RAB8B: variants seen among roughly 807,000 people sequenced by gnomAD.
RAB8B encodes the protein ras-related protein Rab-8B.
In RAB8B, 11 loss-of-function variants were observed where a neutral mutation model predicts 32.0. The observed-to-expected ratio is 0.34, with a 90% CI of 0.22 to 0.57. The LOEUF (loss-of-function observed/expected upper bound fraction) is 0.57. Among genes scored for constraint, RAB8B ranks in the 20% least tolerant of loss-of-function variants. The pLI, the probability that RAB8B is intolerant of heterozygous loss-of-function variation, is 0.86. For missense variants in RAB8B, 190 were observed against 258.5 expected, an observed-to-expected ratio of 0.73 and a Z score of 1.82; for synonymous variants, 103 against 89.6, an observed-to-expected ratio of 1.15 and a Z score of -0.85.
intron 1 of RAB8B, chr15:63,223,083 C>A: frequency 2.2e-6 from 1 of 455,136 alleles, no homozygotes; most frequent in Non-Finnish European, 4.4e-6. Context: ...GGTAAGTACC[C>A]TATATAGGTA....
intron 1 of RAB8B, among the ~76,000 whole-genome samples, chr15:63,208,093 C>T (rs541688083): frequency 3.9e-5 from 6 of 152,238 alleles, no homozygotes; most frequent in African/African-American, 1.4e-4. Context: ...ATCCCTTATC[C>T]CTCCCTTAAA....
At position 63,248,221 on chromosome 15, in the gene RAB8B, A is replaced by G. The variant is rs1054642743; in HGVS notation, c.186-1424A>G. 6.6e-6 allele frequency among the ~76,000 whole-genome samples: 1 copy of G among 152,186 alleles called. No homozygotes were observed. The highest frequency in any genetic ancestry group is 2.4e-5 in the African/African-American group (1 of 41,450). On this transcript the variant is annotated intron_variant, in intron 2 of 7. Coordinates refer to ENST00000321437, the MANE Select transcript of RAB8B (RefSeq NM_016530.3). This position sits in a 1 kb window ranked among gnomAD's most constrained non-coding sequence, Gnocchi z 4.4. The stretch of plus-strand genomic sequence containing the variant: ...ACCTAAGATGCTTGTCTCCTTCAAG[A>G]GTATGAGCTGGGCCGGGTGCAGTGG...
chr15:63,255,645 C>A, intron 4 of RAB8B, 61 bp downstream of exon 4: 1 of 1,376,354 alleles, frequency 7.3e-7, no homozygotes, highest in Non-Finnish European at 1.0e-6. Flanking sequence ...TTGTAAAAGG[C>A]TCCTCTGTCT....
intron 2 of RAB8B, among the ~76,000 whole-genome samples, chr15:63,245,043 C>G (rs2038060494): frequency 6.6e-6 from 1 of 152,204 alleles, no homozygotes; most frequent in African/African-American, 2.4e-5. Flanking sequence ...GATCTGATAG[C>G]TCATCTTTCC....
intron 3 of RAB8B, chr15:63,251,457 C>A: frequency 2.7e-6 from 1 of 372,750 alleles, no homozygotes; most frequent in Non-Finnish European, 5.3e-6. Flanking sequence ...GGAGGGTGGG[C>A]AGTGGCACTT....
At chr15:63,237,593 C>T (rs1291120988) in intron 1 of RAB8B, among the ~76,000 whole-genome samples, 1 of 152,030 alleles carries the variant, frequency 6.6e-6, no homozygotes, top group African/African-American at 2.4e-5. Flanking sequence ...AGATTTTTTC[C>T]TGTAGAGCTG....
Position 63,255,569 on chromosome 15 carries a change from C to T in RAB8B, c.309C>T (p.Ile103=). The T allele has an allele frequency of 1.2e-6, 2 of 1,601,570 alleles. No individual in the cohort carries two copies. The highest frequency in any genetic ancestry group is 8.6e-7 in the Non-Finnish European group (1 of 1,168,710). The change falls in exon 4 of 8, where the codon ATC becomes ATT. Residue 103 remains isoleucine, a synonymous_variant. Coordinates refer to ENST00000321437, the MANE Select transcript of RAB8B (RefSeq NM_016530.3). ...CCTTTGACAATATTAAAAATTGGAT[C>T]AGAAACATTGAAGAGGTATGTGTGG... ...EKSFDNIKNW[I]RNIEEHASSD...
chr15:63,245,412 T>C (rs1225185465), intron 2 of RAB8B, among the ~76,000 whole-genome samples: 1 of 152,284 alleles, frequency 6.6e-6, no homozygotes. Flanking sequence ...AAGATATTTT[T>C]ACCACACTTT....
At chr15:63,197,955 A>G (rs567575037) in intron 1 of RAB8B, among the ~76,000 whole-genome samples, 8 of 152,310 alleles carry the variant, frequency 5.3e-5, no homozygotes, top group East Asian at 3.9e-4. Context: ...CCAACATGTT[A>G]TGGCTAAATT....
intron 1 of RAB8B, among the ~76,000 whole-genome samples, chr15:63,218,873 A>G (rs1035683956): frequency 2.7e-5 from 4 of 150,864 alleles, no homozygotes; most frequent in African/African-American, 4.9e-5. Context: ...AAATAGGAAG[A>G]AAAAAAAACA....
intron 1 of RAB8B, among the ~76,000 whole-genome samples, chr15:63,221,694 T>C (rs1417366803): frequency 3.3e-5 from 5 of 152,214 alleles, no homozygotes; most frequent in African/African-American, 1.2e-4. Context: ...AATGGACTTC[T>C]CCTTCAGGAC....
chr15:63,253,051 C>A (rs1290388405), intron 3 of RAB8B, among the ~76,000 whole-genome samples: 1 of 152,078 alleles, frequency 6.6e-6, no homozygotes, highest in African/African-American at 2.4e-5. Context: ...CCCGGGCTGA[C>A]CTTTATAAAA....
intron 1 of RAB8B, among the ~76,000 whole-genome samples, chr15:63,243,164 G>A (rs1243415669): frequency 6.6e-6 from 1 of 152,200 alleles, no homozygotes; most frequent in Non-Finnish European, 1.5e-5. Context: ...TGCCACTGCT[G>A]ATCTGACAGG....
chr15:63,203,720 C>G (rs979014001), intron 1 of RAB8B, among the ~76,000 whole-genome samples: 1 of 152,210 alleles, frequency 6.6e-6, no homozygotes, highest in African/African-American at 2.4e-5. Context: ...TCCGTTATCC[C>G]TATTTTCCAA....
At position 63,266,836 on chromosome 15, in the gene RAB8B, TAA is replaced by T. The variant is rs2038252523; in HGVS notation, c.*3219_*3220del. On this transcript the variant is annotated 3_prime_UTR_variant, in exon 8 of 8. Transcript: ENST00000321437. ...TGCTCAGAGTCTATATTAAGGCTTA[TAA>T]AGTTTTTCCTGTGATCAGTAAGTGA... is the stretch of plus-strand genomic sequence containing the variant. 2.6e-5 allele frequency: 4 copies of T among 152,776 alleles called. No homozygotes were observed. The highest frequency in any genetic ancestry group is 2.6e-4 in the Admixed American group (4 of 15,306). The allele number at this position is 152,776 out of a possible 1,614,324, so 9.5% of individuals were successfully genotyped here.
intron 1 of RAB8B, among the ~76,000 whole-genome samples, chr15:63,224,691 C>T (rs1209212599): frequency 6.6e-6 from 1 of 152,130 alleles, no homozygotes; most frequent in African/African-American, 2.4e-5. Flanking sequence ...GAACTAATTC[C>T]TAATATTCAG....
At chr15:63,236,694 A>G (rs1235729131) in intron 1 of RAB8B, among the ~76,000 whole-genome samples, 1 of 152,222 alleles carries the variant, frequency 6.6e-6, no homozygotes, top group African/African-American at 2.4e-5. Flanking sequence ...GCAATGAGTA[A>G]TAATAATCAC....
intron 1 of RAB8B, among the ~76,000 whole-genome samples, chr15:63,238,301 C>T (rs772426170): frequency 9.1e-4 from 138 of 151,938 alleles, no homozygotes; most frequent in Non-Finnish European, 1.8e-3. Context: ...GTGTGATAGC[C>T]CCCTCCTTCT....
chr15:63,235,514 A>G (rs2037970967), intron 1 of RAB8B, among the ~76,000 whole-genome samples: 2 of 152,092 alleles, frequency 1.3e-5, no homozygotes, highest in South Asian at 2.1e-4. Flanking sequence ...CCACCACTCA[A>G]TTTTAGAAAT....
Sources: gnomAD v4.1 joint callset for allele counts (sites outside exome capture counted in the v4.1 genomes callset) on GRCh38, gnomAD v4.1.1 for gene constraint, Gnocchi (gnomAD v3.1) non-coding constraint, MANE v1.5 for transcripts, NCBI Gene and HGNC (gene_info 2026-07-23, HGNC 2026-07-21) for gene names.